LMNB2: variants seen among roughly 807,000 people sequenced by gnomAD.
The protein encoded by LMNB2 is lamin-B2.
Under a neutral mutation model 69.3 loss-of-function variants are expected in LMNB2, and 17 were observed. The observed-to-expected ratio is 0.25, with a 90% CI of 0.17 to 0.37. The LOEUF is 0.37. LMNB2 is among the 10% of genes least tolerant of loss of function. The pLI, the probability that LMNB2 is intolerant of heterozygous loss-of-function variation, is 1.00. For synonymous variants in LMNB2, 397 were observed against 389.3 expected (o/e 1.02, Z -0.23); for missense variants, 789 against 883.6 (o/e 0.89, Z 1.36).
chr19:2,430,588 G>C lies in LMNB2; in HGVS notation c.*323C>G. On this transcript the variant is annotated 3_prime_UTR_variant, in exon 12 of 12. Coordinates refer to ENST00000325327, the MANE Select transcript of LMNB2 (RefSeq NM_032737.4). ...CAGCAGGGCCGTCTCCTGTCCCCTC[G>C]CTAGCCTCGCCGGCCCTCCTCCCTC... 4.5e-6 allele frequency: 2 copies of C among 446,038 alleles called. No homozygotes were observed. Among genetic ancestry groups the C allele is most frequent in the Admixed American group, 3.4e-5 (1 of 29,140 alleles). 27.6% of individuals were successfully genotyped at this position (446,038 alleles called of 1,614,324 possible). A position where few individuals can be genotyped will look rare whatever the true frequency, so the allele number is the denominator to read the frequency against.
At position 2,453,734 on chromosome 19, in the gene LMNB2, A is replaced by C. The variant is rs1208608769; in HGVS notation, c.264+2936T>G. On this transcript the variant is annotated intron_variant, in intron 1 of 11. Coordinates refer to ENST00000325327, the MANE Select transcript of LMNB2 (RefSeq NM_032737.4). This position sits in a 1 kb window ranked among gnomAD's most constrained non-coding sequence, Gnocchi z 4.4. ...CTGGGCCAGGCTCCCTCTAGGGCAC[A>C]GGGCCGGTCCAATGGGGCGTCCAGT... Among the ~76,000 whole-genome samples, 1 of 152,072 alleles carries C rather than the reference A, an allele frequency of 6.6e-6. No homozygotes were observed. Among genetic ancestry groups the C allele is most frequent in the Non-Finnish European group, 1.5e-5 (1 of 68,004 alleles).
chr19:2,451,680 CAT>C (rs1467174484), intron 1 of LMNB2, among the ~76,000 whole-genome samples: 1 of 152,218 alleles, frequency 6.6e-6, no homozygotes, highest in Non-Finnish European at 1.5e-5. Flanking sequence ...TGTGTCCACA[CAT>C]GTGGGCCTGG....
chr19:2,433,610 G>A (rs1599331026), intron 8 of LMNB2, among the ~76,000 whole-genome samples: 1 of 68,576 alleles, frequency 1.5e-5, no homozygotes, highest in African/African-American at 8.3e-5. Flanking sequence ...CGGTCATTCC[G>A]GTCACCTTGT....
Position 2,456,726 on chromosome 19 carries a change from C to G in LMNB2, c.208G>C (p.Glu70Gln). The change falls in exon 1 of 12, where the codon GAG becomes CAG. Residue 70 changes from glutamate to glutamine, a missense_variant. Physicochemically the swap from Glu to Gln is conservative, Grantham distance 29. Coordinates refer to ENST00000325327, the MANE Select transcript of LMNB2 (RefSeq NM_032737.4). ...YIDRVRALEL[E>Q]NDRLLLKISE... ...ATCTTGAGCAGGAGCCGGTCGTTCT[C>G]CAGCTCCAGCGCGCGGACGCGGTCG... is the stretch of plus-strand genomic sequence containing the variant. 1 of 1,565,786 alleles carries G rather than the reference C, an allele frequency of 6.4e-7. No individual in the cohort carries two copies. The highest frequency in any genetic ancestry group is 8.6e-7 in the Non-Finnish European group (1 of 1,156,482).
At chr19:2,431,353 C>A (rs1043694826) in intron 11 of LMNB2, among the ~76,000 whole-genome samples, 195 bp downstream of exon 11, 1 of 152,166 alleles carries the variant, frequency 6.6e-6, no homozygotes, top group African/African-American at 2.4e-5. Context: ...CAAATTCACA[C>A]GATGGGCACG....
At chr19:2,433,134 T>C (rs12980241) in intron 8 of LMNB2, among the ~76,000 whole-genome samples, 80 of 58,882 alleles carry the variant, frequency 1.4e-3, no homozygotes, top group South Asian at 2.7e-3. Flanking sequence ...GTCACCCTGA[T>C]CCTGGTCACC....
In LMNB2 at chr19:2,453,956, C is replaced by T. The variant is rs1972059697; in HGVS notation, c.264+2714G>A. On this transcript the variant is annotated intron_variant, in intron 1 of 11. Coordinates refer to ENST00000325327, the MANE Select transcript of LMNB2 (RefSeq NM_032737.4). The surrounding 1 kb of genome is among the most constrained non-coding windows in gnomAD (Gnocchi z 4.4). The stretch of plus-strand genomic sequence containing the variant: ...CACTGGACAGATGGCAAGATGGAGG[C>T]TCCAAGAGACACAGGGGCCTGCCCA... 6.6e-6 allele frequency among the ~76,000 whole-genome samples: 1 copy of T among 152,212 alleles called. No individual in the cohort carries two copies. Among genetic ancestry groups the T allele is most frequent in the East Asian group, 1.9e-4 (1 of 5,202 alleles).
chr19:2,437,507 G>A (rs1971842031), intron 4 of LMNB2, among the ~76,000 whole-genome samples: 1 of 152,214 alleles, frequency 6.6e-6, no homozygotes. Context: ...TGACACTGAA[G>A]AGATATGTTT....
intron 11 of LMNB2, 29 bp downstream of exon 11, chr19:2,431,519 C>CA: frequency 6.2e-7 from 1 of 1,613,934 alleles, no homozygotes; most frequent in Non-Finnish European, 8.5e-7. Flanking sequence ...AGGCTGCCCC[C>CA]CAGCCGCAAG....
Position 2,434,017 on chromosome 19 carries a change from G to T in LMNB2, c.1291C>A (p.Leu431Met). The change falls in exon 8 of 12, where the codon CTG (leucine) becomes ATG (methionine). Residue 431 changes from leucine to methionine, a missense_variant. This residue lies in a region of LMNB2 where 609 missense variants were observed against 630.9 expected (regional missense o/e 0.97). Coordinates refer to ENST00000325327, the MANE Select transcript of LMNB2 (RefSeq NM_032737.4). ...SSGSLSATGR[L>M]GRSKRKRLEV... ...AGCCGCTTCCGCTTACTGCGGCCCA[G>T]GCGCCCGGTGGCGGACAAGCTGCCG... 1 of 1,605,110 alleles carries T rather than the reference G, an allele frequency of 6.2e-7. No homozygotes were observed.
In LMNB2 at chr19:2,438,526, T is replaced by C. The variant is rs1480904106; in HGVS notation, c.407A>G (p.Lys136Arg). ...CACCGTAAGCTCGCCCTCCCTCTTC[T>C]TGGCGCTGAAAGTCAAGAGGGCAAG... ...AELDEVNKSA[K>R]KREGELTVAQ... Residue 136 changes from lysine (K) to arginine (R), a missense_variant, in exon 3 of 12, where the codon AAG becomes AGG. This residue lies in a region of LMNB2 where 145 missense variants were observed against 228.9 expected (regional missense o/e 0.63). Coordinates refer to ENST00000325327, the MANE Select transcript of LMNB2 (RefSeq NM_032737.4). 1 of 1,607,970 alleles carries C rather than the reference T, an allele frequency of 6.2e-7. No individual in the cohort carries two copies. Among genetic ancestry groups the C allele is most frequent in the Admixed American group, 1.7e-5 (1 of 59,920 alleles).
chr19:2,456,415 C>T (rs997712190), intron 1 of LMNB2, among the ~76,000 whole-genome samples: 1 of 150,558 alleles, frequency 6.6e-6, no homozygotes, highest in Non-Finnish European at 1.5e-5. Flanking sequence ...CCCCTCGAAA[C>T]CCCCTGGAGA....
chr19:2,438,059 G>A lies in LMNB2; in HGVS notation c.684+104C>T, dbSNP rs564295264. On this transcript the variant is annotated intron_variant, in intron 4 of 11. Coordinates refer to ENST00000325327, the MANE Select transcript of LMNB2 (RefSeq NM_032737.4). Reference sequence around the variant, plus strand: ...AAGGAGCCTCCCTAGAGCCGTGGGAGGGACCCCGGCCACACGGTGCCCTCA... The same window carrying A: ...AAGGAGCCTCCCTAGAGCCGTGGGAAGGACCCCGGCCACACGGTGCCCTCA... 5.8e-6 allele frequency: 9 copies of A among 1,558,384 alleles called. No homozygotes were observed. The East Asian group carries it at 1.3e-4, about 23-fold the overall frequency.
intron 9 of LMNB2, 114 bp downstream of exon 9, chr19:2,432,302 G>A: frequency 1.2e-6 from 1 of 866,232 alleles, no homozygotes; most frequent in South Asian, 1.4e-5. Context: ...CTGAGACGGT[G>A]CCTGGTGCCA....
intron 2 of LMNB2, among the ~76,000 whole-genome samples, chr19:2,438,804 G>A (rs1267267544): frequency 3.3e-5 from 5 of 152,208 alleles, no homozygotes; most frequent in African/African-American, 4.8e-5. Context: ...TCTCCTGCCT[G>A]TTCTGGACCC....
In LMNB2 at chr19:2,429,903, G is replaced by C. The variant is rs1167272093; in HGVS notation, c.*1008C>G. Reference sequence around the variant, plus strand: ...GAGGGGCTTGGGTGCGTCGTGATAGGAGTCAGGTGGCCTTGGCCTGTCTGA... The same window carrying C: ...GAGGGGCTTGGGTGCGTCGTGATAGCAGTCAGGTGGCCTTGGCCTGTCTGA... On this transcript the variant is annotated 3_prime_UTR_variant, in exon 12 of 12. Coordinates refer to ENST00000325327, the MANE Select transcript of LMNB2 (RefSeq NM_032737.4). 6.6e-6 allele frequency: 1 copy of C among 152,318 alleles called. No homozygotes were observed. The highest frequency in any genetic ancestry group is 2.4e-5 in the African/African-American group (1 of 41,456). The allele number at this position is 152,318 out of a possible 1,614,324, so 9.4% of individuals were successfully genotyped here. A position where few individuals can be genotyped will look rare whatever the true frequency, so the allele number is the denominator to read the frequency against.
At chr19:2,436,007 G>C (rs570569734) in intron 4 of LMNB2, among the ~76,000 whole-genome samples, 1 of 151,360 alleles carries the variant, frequency 6.6e-6, no homozygotes, top group African/African-American at 2.4e-5. Flanking sequence ...AAATTAGGCC[G>C]GGCACAGTGG....
Position 2,438,363 on chromosome 19 carries a change from C to A in LMNB2, c.558+12G>T. 6.2e-7 allele frequency: 1 copy of A among 1,613,198 alleles called. No individual in the cohort carries two copies. Among genetic ancestry groups the A allele is most frequent in the Non-Finnish European group, 8.5e-7 (1 of 1,179,960 alleles). Reference sequence around the variant, plus strand: ...TACCCTGCTGGGGCGTCCCGTGGCTCCTGGCACCTACCTTGGCCAGCTGGG... The same window carrying A: ...TACCCTGCTGGGGCGTCCCGTGGCTACTGGCACCTACCTTGGCCAGCTGGG... On this transcript the variant is annotated intron_variant, in intron 3 of 11. Coordinates refer to ENST00000325327, the MANE Select transcript of LMNB2 (RefSeq NM_032737.4).
At chr19:2,431,044 G>A in intron 11 of LMNB2, 92 bp from the exon 12 acceptor site, 1 of 798,390 alleles carries the variant, frequency 1.3e-6, no homozygotes, top group South Asian at 1.4e-5. Flanking sequence ...CCCCACCAGG[G>A]AGGGGCTGAG....
Sources: gnomAD v4.1 joint callset for allele counts (sites outside exome capture counted in the v4.1 genomes callset) on GRCh38, gnomAD v4.1.1 for gene constraint, gnomAD v4.1.1 regional missense constraint, Gnocchi (gnomAD v3.1) non-coding constraint, MANE v1.5 for transcripts, NCBI Gene and HGNC (gene_info 2026-07-23, HGNC 2026-07-21) for gene names.